CAST: variants seen among roughly 807,000 people sequenced by gnomAD.
The protein encoded by CAST is calpastatin.
In CAST, 76 loss-of-function variants were observed where a neutral mutation model predicts 119.6. That is an observed-to-expected ratio of 0.64 (90% CI 0.53 to 0.77). CAST has a LOEUF of 0.77. Among genes scored for constraint, CAST ranks in the 30% least tolerant of loss-of-function variants. The pLI is 0.00. For synonymous variants in CAST, 319 were observed against 331.6 expected (o/e 0.96, Z 0.41); for missense variants, 953 against 946.5 (o/e 1.01, Z -0.09).
At chr5:96,389,937 GA>G in the CAST span, among the ~76,000 whole-genome samples, 247 of 144,996 alleles carry the variant, frequency 1.7e-3, 1 homozygote, top group South Asian at 0.018. Context: ...TCTAGCAAAA[GA>G]AAAAAAAAAA....
In CAST at chr5:96,707,534, G is replaced by A. The variant is rs551933669; in HGVS notation, c.210+11627G>A. On this transcript the variant is annotated intron_variant, in intron 3 of 31. Coordinates refer to ENST00000675179, the MANE Select transcript of CAST (RefSeq NM_001750.7). Reference sequence around the variant, plus strand: ...CCTGAATTGCTGGGACTACAGGCACGTGCCACCACTTCTGGCTAAATTTTG... The same window carrying A: ...CCTGAATTGCTGGGACTACAGGCACATGCCACCACTTCTGGCTAAATTTTG... Among the ~76,000 whole-genome samples, 11 of 152,088 alleles carry A rather than the reference G, an allele frequency of 7.2e-5. No individual in the cohort carries two copies. The East Asian group carries it at 1.9e-3, about 27-fold the overall frequency.
the CAST span, among the ~76,000 whole-genome samples, chr5:96,087,088 T>A: frequency 6.6e-6 from 1 of 152,226 alleles, no homozygotes; most frequent in Non-Finnish European, 1.5e-5. Flanking sequence ...ATTTCCCACC[T>A]GTAGGAACTT....
the CAST span, among the ~76,000 whole-genome samples, chr5:96,227,423 A>G: frequency 6.6e-6 from 1 of 152,232 alleles, no homozygotes; most frequent in Non-Finnish European, 1.5e-5. Flanking sequence ...GTGTCTGTAG[A>G]CAGTGTTCTT....
the CAST span, among the ~76,000 whole-genome samples, chr5:96,110,388 A>T: frequency 3.3e-5 from 5 of 152,194 alleles, no homozygotes; most frequent in Non-Finnish European, 7.3e-5. Flanking sequence ...ATAAAGTAAG[A>T]TCTGAATATA....
chr5:96,417,980 C>T, the CAST span, among the ~76,000 whole-genome samples: 7 of 152,282 alleles, frequency 4.6e-5, no homozygotes, highest in East Asian at 9.7e-4. Flanking sequence ...CAAAAGAATC[C>T]AGTGCAGGTC....
the CAST span, among the ~76,000 whole-genome samples, chr5:96,126,542 T>C: frequency 9.7e-4 from 148 of 152,258 alleles, no homozygotes; most frequent in African/African-American, 3.3e-3. Context: ...CTTTTTCTTT[T>C]TAGTGTTTAC....
At chr5:96,335,297 G>A in the CAST span, among the ~76,000 whole-genome samples, 1 of 152,156 alleles carries the variant, frequency 6.6e-6, no homozygotes, top group Non-Finnish European at 1.5e-5. Flanking sequence ...TCTGGCTTCT[G>A]CTTTTGGTAA....
At chr5:96,062,297 A>G in the CAST span, among the ~76,000 whole-genome samples, 2 of 152,144 alleles carry the variant, frequency 1.3e-5, no homozygotes, top group Non-Finnish European at 2.9e-5. Context: ...TGACCTTGTG[A>G]AGACATAAGT....
chr5:96,046,000 A>C, the CAST span, among the ~76,000 whole-genome samples: 2 of 152,226 alleles, frequency 1.3e-5, no homozygotes, highest in African/African-American at 4.8e-5. Flanking sequence ...CATTTAAACA[A>C]ATACATGGAG....
the CAST span, among the ~76,000 whole-genome samples, chr5:96,150,006 A>G: frequency 1.3e-5 from 2 of 151,748 alleles, no homozygotes; most frequent in Admixed American, 1.3e-4. Context: ...TCTTCATCCT[A>G]TTGTATATTT....
the CAST span, among the ~76,000 whole-genome samples, chr5:96,021,406 G>A: frequency 6.6e-6 from 1 of 151,978 alleles, no homozygotes; most frequent in Non-Finnish European, 1.5e-5. Context: ...CTGTTCAGTT[G>A]TTTCAAGTTA....
the CAST span, chr5:96,432,000 AC>A: frequency 1.0e-6 from 1 of 955,688 alleles, no homozygotes; most frequent in Non-Finnish European, 1.6e-6. Context: ...ACGCCCACCC[AC>A]CTCCAACCAG....
the CAST span, among the ~76,000 whole-genome samples, chr5:96,420,931 A>G: frequency 5.8e-4 from 89 of 152,276 alleles, no homozygotes; most frequent in African/African-American, 1.9e-3. Context: ...GGCTTTTTCC[A>G]TCCTCACTTG....
At chr5:96,193,424 C>G in the CAST span, among the ~76,000 whole-genome samples, 50 of 152,210 alleles carry the variant, frequency 3.3e-4, 1 homozygote, top group African/African-American at 1.1e-3. Flanking sequence ...GGAGGGAAAA[C>G]TTTAGGAAAT....
At chr5:96,072,190 G>T in the CAST span, among the ~76,000 whole-genome samples, 47,178 of 151,386 alleles carry the variant, frequency 0.31, 7,534 homozygotes, top group East Asian at 0.45. Context: ...ACCTTGAGGA[G>T]GGAGGAAAGA....
chr5:96,223,784 A>G, the CAST span, among the ~76,000 whole-genome samples: 1 of 152,140 alleles, frequency 6.6e-6, no homozygotes, highest in African/African-American at 2.4e-5. Flanking sequence ...GAGATCGTCA[A>G]TGTCCTGGGC....
the CAST span, among the ~76,000 whole-genome samples, chr5:96,320,585 A>G: frequency 6.6e-6 from 1 of 152,124 alleles, no homozygotes; most frequent in Non-Finnish European, 1.5e-5. Flanking sequence ...CCTGGATTAA[A>G]TCTGACTTAA....
At chr5:96,663,939 C>CAAA (rs3048777) in intron 1 of CAST, among the ~76,000 whole-genome samples, 43 of 111,054 alleles carry the variant, frequency 3.9e-4, no homozygotes, top group South Asian at 1.1e-3. Context: ...GATTGCTTTC[C>CAAA]AAAAAAAAAA....
the CAST span, among the ~76,000 whole-genome samples, chr5:96,344,321 G>C: frequency 6.6e-6 from 1 of 152,150 alleles, no homozygotes; most frequent in Non-Finnish European, 1.5e-5. Flanking sequence ...TGGAATGAAT[G>C]GATGAGTAAA....
Sources: gnomAD v4.1 joint callset for allele counts (sites outside exome capture counted in the v4.1 genomes callset) on GRCh38, gnomAD v4.1.1 for gene constraint, MANE v1.5 for transcripts, NCBI Gene and HGNC (gene_info 2026-07-23, HGNC 2026-07-21) for gene names.